The following LASP1 variants were observed in gnomAD, a reference collection of about 807,000 sequenced individuals.
LASP1 encodes the protein LIM and SH3 protein 1, also known as LIM and SH3 domain protein 1.
A neutral mutation model predicts 38.6 loss-of-function variants in LASP1; 10 were observed. The observed-to-expected ratio is 0.26, with a 90% CI of 0.16 to 0.44. The LOEUF is 0.44. LASP1 is among the 20% of genes least tolerant of loss of function. The probability of loss-of-function intolerance (pLI) is 1.00; values close to 1 mark genes in which losing one functional copy is unlikely to be tolerated. For synonymous variants in LASP1, 132 were observed against 140.8 expected (o/e 0.94, Z 0.44); for missense variants, 243 against 375.7 (o/e 0.65, Z 2.92).
At chr17:38,914,248 T>A in intron 4 of LASP1, 77 bp from the exon 5 acceptor site, 1 of 1,526,318 alleles carries the variant, frequency 6.6e-7, no homozygotes, top group South Asian at 1.2e-5. Flanking sequence ...TCTCCCATCC[T>A]GGGATCTTGA....
chr17:38,875,060 T>C (rs1425824806), intron 1 of LASP1, among the ~76,000 whole-genome samples: 4 of 140,012 alleles, frequency 2.9e-5, no homozygotes, highest in Non-Finnish European at 6.3e-5. Context: ...GCCCTTCGTG[T>C]GTGTGTGTGT....
chr17:38,893,534 G>T (rs565345386), intron 3 of LASP1, among the ~76,000 whole-genome samples: 1 of 152,292 alleles, frequency 6.6e-6, no homozygotes, highest in South Asian at 2.1e-4. Flanking sequence ...TGAGGTGGGG[G>T]TCCTCGGGGG....
intron 2 of LASP1, among the ~76,000 whole-genome samples, chr17:38,884,958 T>C (rs1914072771): frequency 6.6e-6 from 1 of 152,222 alleles, no homozygotes; most frequent in Non-Finnish European, 1.5e-5. Flanking sequence ...CCCAAAGTGC[T>C]GGCATTTCGT....
At chr17:38,895,027 C>T (rs1042254164) in intron 3 of LASP1, among the ~76,000 whole-genome samples, 3 of 152,098 alleles carry the variant, frequency 2.0e-5, no homozygotes, top group South Asian at 2.1e-4. Context: ...TGTCAGCCAC[C>T]GCGCCCTGCC....
chr17:38,885,883 G>C (rs528225684), intron 2 of LASP1, among the ~76,000 whole-genome samples: 8 of 152,312 alleles, frequency 5.3e-5, no homozygotes, highest in Admixed American at 4.6e-4. Flanking sequence ...TTTGAAGCCC[G>C]GCATGCTGGT....
Position 38,905,665 on chromosome 17 carries a change from C to T in LASP1, c.357+7146C>T. ...TTTGCTCCATGTGCTCAGATATGTT[C>T]ACTTTAGCATTTTGATCGTGTAGAG... On this transcript the variant is annotated intron_variant, in intron 4 of 6. Coordinates refer to ENST00000318008, the MANE Select transcript of LASP1 (RefSeq NM_006148.4). 1.3e-5 allele frequency among the ~76,000 whole-genome samples: 2 copies of T among 151,934 alleles called. 1 individual carries two copies. Among genetic ancestry groups the T allele is most frequent in the Non-Finnish European group, 2.9e-5 (2 of 68,016 alleles).
chr17:38,918,864 G>GT lies in LASP1; in HGVS notation c.*92dup. On this transcript the variant is annotated 3_prime_UTR_variant, in exon 7 of 7. Transcript: ENST00000318008. This position sits in a 1 kb window ranked among gnomAD's most constrained non-coding sequence, Gnocchi z 4.4. ...GACCCGTCCATTCTTCAGTGTCTCT[G>GT]TTTTTTAAAACCTGCGACAGCTTGT... 1 of 1,468,234 alleles carries GT rather than the reference G, an allele frequency of 6.8e-7. No homozygotes were observed. The highest frequency in any genetic ancestry group is 9.3e-7 in the Non-Finnish European group (1 of 1,076,340). The allele number at this position is 1,468,234 out of a possible 1,614,324, so 91.0% of individuals were successfully genotyped here.
chr17:38,903,457 A>C, intron 4 of LASP1, among the ~76,000 whole-genome samples: 1 of 152,068 alleles, frequency 6.6e-6, no homozygotes, highest in Admixed American at 6.6e-5. Flanking sequence ...ACTCTTGGGC[A>C]CAAGTGGTCC....
intron 2 of LASP1, among the ~76,000 whole-genome samples, chr17:38,882,882 TCTGA>T (rs1205934605): frequency 2.0e-5 from 3 of 152,270 alleles, no homozygotes; most frequent in Admixed American, 2.0e-4. Context: ...TCCCCTCTTC[TCTGA>T]CTGCACATAT....
chr17:38,879,520 G>A (rs976485621), intron 2 of LASP1, among the ~76,000 whole-genome samples: 1 of 147,614 alleles, frequency 6.8e-6, no homozygotes, highest in African/African-American at 2.5e-5. Flanking sequence ...TCAAGTAATG[G>A]TAATTTCAGT....
Position 38,919,751 on chromosome 17 carries a change from C to T in LASP1, c.*973C>T, listed in dbSNP as rs1490658112. The T allele has an allele frequency of 4.8e-6, 2 of 413,132 alleles. No homozygotes were observed. The highest frequency in any genetic ancestry group is 9.3e-6 in the Non-Finnish European group (2 of 215,776). 25.6% of individuals were successfully genotyped at this position (413,132 alleles called of 1,614,324 possible). ...CTCAGAGCCTTCCATGACCTCCCCT[C>T]CCCAGCCCAATGCCAAGTGGACTTG... On this transcript the variant is annotated 3_prime_UTR_variant, in exon 7 of 7. Transcript: ENST00000318008.
intron 4 of LASP1, 149 bp downstream of exon 4, chr17:38,898,668 G>C: frequency 1.4e-6 from 1 of 693,376 alleles, no homozygotes. Context: ...GAAGAGCTTG[G>C]GGTTCCCAGA....
intron 1 of LASP1, among the ~76,000 whole-genome samples, chr17:38,870,545 G>A (rs987373455): frequency 2.0e-5 from 3 of 152,194 alleles, no homozygotes; most frequent in Non-Finnish European, 4.4e-5. Context: ...GTCAGGCGCC[G>A]GGGTGTGTTG....
intron 2 of LASP1, among the ~76,000 whole-genome samples, chr17:38,884,978 G>C (rs1439382555): frequency 6.6e-6 from 1 of 152,148 alleles, no homozygotes; most frequent in African/African-American, 2.4e-5. Context: ...TGCCCGACCT[G>C]TATCATATAC....
At chr17:38,905,834 A>G (rs939967121) in intron 4 of LASP1, among the ~76,000 whole-genome samples, 4 of 152,050 alleles carry the variant, frequency 2.6e-5, no homozygotes, top group African/African-American at 9.7e-5. Flanking sequence ...TGGTGGGAGG[A>G]TTGCTTGAGG....
intron 6 of LASP1, chr17:38,916,646 G>A (rs1342770435): frequency 1.3e-5 from 2 of 151,914 alleles, no homozygotes; most frequent in African/African-American, 4.8e-5. Context: ...CAGATCACCT[G>A]AGGTCAGGAG....
chr17:38,911,417 T>G (rs1914938324), intron 4 of LASP1, among the ~76,000 whole-genome samples: 1 of 146,832 alleles, frequency 6.8e-6, no homozygotes, highest in Admixed American at 6.8e-5. Flanking sequence ...TCCCTTAGCC[T>G]CTCTGGATAT....
Position 38,918,978 on chromosome 17 carries a change from T to G in LASP1, c.*200T>G. 1.6e-6 allele frequency: 1 copy of G among 629,286 alleles called. No homozygotes were observed. The highest frequency in any genetic ancestry group is 2.7e-6 in the Non-Finnish European group (1 of 364,118). 39.0% of individuals were successfully genotyped at this position (629,286 alleles called of 1,614,324 possible). A position where few individuals can be genotyped will look rare whatever the true frequency, so the allele number is the denominator to read the frequency against. ...TCCCTCCTCTGGCAGGCTTCCCCCT[T>G]GATCGACTTCTTGGTTTTCTCTCTG... On this transcript the variant is annotated 3_prime_UTR_variant, in exon 7 of 7. Coordinates refer to ENST00000318008, the MANE Select transcript of LASP1 (RefSeq NM_006148.4). The surrounding 1 kb of genome is among the most constrained non-coding windows in gnomAD (Gnocchi z 4.4).
intron 3 of LASP1, among the ~76,000 whole-genome samples, chr17:38,898,042 A>G (rs1054130693): frequency 2.6e-5 from 4 of 152,218 alleles, no homozygotes; most frequent in African/African-American, 9.6e-5. Flanking sequence ...AGTGCCGGAC[A>G]TTGACTGCTA....
Sources: allele counts gnomAD v4.1 joint callset (sites outside exome capture counted in the v4.1 genomes callset), GRCh38; gene constraint gnomAD v4.1.1; non-coding constraint Gnocchi (gnomAD v3.1); transcripts MANE v1.5; gene names NCBI Gene and HGNC (gene_info 2026-07-23, HGNC 2026-07-21).